NTNG1: variants seen among roughly 807,000 people sequenced by gnomAD.
NTNG1 encodes netrin G1, also known as netrin-G1.
A neutral mutation model predicts 54.0 loss-of-function variants in NTNG1; 16 were observed. The ratio of observed to expected loss-of-function variants is 0.30; its 90% CI spans 0.20 to 0.45. The LOEUF (loss-of-function observed/expected upper bound fraction) is 0.45, where lower values mean the gene tolerates loss of function less well. Among genes scored for constraint, NTNG1 ranks in the 20% least tolerant of loss-of-function variants. The pLI, the probability that NTNG1 is intolerant of heterozygous loss-of-function variation, is 1.00. For synonymous variants in NTNG1, 255 were observed against 263.1 expected (o/e 0.97, Z 0.30); for missense variants, 530 against 678.7 (o/e 0.78, Z 2.43).
chr1:107,152,582 CAT>C (rs781480436), intron 2 of NTNG1, among the ~76,000 whole-genome samples: 1 of 152,190 alleles, frequency 6.6e-6, no homozygotes, highest in South Asian at 2.1e-4. Flanking sequence ...CGGAAGAACT[CAT>C]GTGTGTTTAT....
intron 3 of NTNG1, among the ~76,000 whole-genome samples, chr1:107,325,651 A>C (rs573836762): frequency 6.6e-6 from 1 of 152,136 alleles, no homozygotes; most frequent in East Asian, 1.9e-4. Context: ...AAGATGTTTA[A>C]ATGAAAAACT....
At chr1:107,239,609 G>A (rs1661681286) in intron 2 of NTNG1, among the ~76,000 whole-genome samples, 1 of 152,132 alleles carries the variant, frequency 6.6e-6, no homozygotes. Flanking sequence ...TCCAAACATT[G>A]AGAGCTCACA....
intron 6 of NTNG1, among the ~76,000 whole-genome samples, chr1:107,435,624 C>T (rs926582674): frequency 2.0e-5 from 3 of 152,050 alleles, no homozygotes; most frequent in African/African-American, 7.2e-5. Context: ...ATATGCCAAA[C>T]TTGATTATAT....
At chr1:107,298,230 G>A (rs1666099764) in intron 2 of NTNG1, among the ~76,000 whole-genome samples, 1 of 152,110 alleles carries the variant, frequency 6.6e-6, no homozygotes, top group South Asian at 2.1e-4. Context: ...AGTAGTCAGG[G>A]TAATGACACC....
At chr1:107,312,350 T>G (rs1034274128) in intron 2 of NTNG1, among the ~76,000 whole-genome samples, 2 of 151,766 alleles carry the variant, frequency 1.3e-5, no homozygotes, top group Non-Finnish European at 2.9e-5. Flanking sequence ...GGTGGGGGAG[T>G]AGGTTTAATG....
chr1:107,213,906 T>A (rs1020261276), intron 2 of NTNG1, among the ~76,000 whole-genome samples: 1 of 152,180 alleles, frequency 6.6e-6, no homozygotes, highest in African/African-American at 2.4e-5. Flanking sequence ...CTTTTGCCGT[T>A]ATATTTTATT....
intron 1 of NTNG1, chr1:107,141,448 A>T (rs1193486817): frequency 1.3e-5 from 2 of 149,892 alleles, no homozygotes; most frequent in African/African-American, 4.9e-5. Flanking sequence ...GCAAGGGCAA[A>T]CGAGCCACAC....
intron 3 of NTNG1, among the ~76,000 whole-genome samples, chr1:107,366,675 A>T (rs960450583): frequency 6.6e-6 from 1 of 152,222 alleles, no homozygotes; most frequent in African/African-American, 2.4e-5. Context: ...ACTAGGACAA[A>T]ATGAAATCTT....
intron 3 of NTNG1, among the ~76,000 whole-genome samples, chr1:107,336,226 G>A (rs1668570034): frequency 6.7e-6 from 1 of 150,238 alleles, no homozygotes; most frequent in Admixed American, 6.7e-5. Flanking sequence ...CAAAGTCACA[G>A]TAGTCAAAAC....
intron 2 of NTNG1, among the ~76,000 whole-genome samples, chr1:107,206,552 A>T (rs1356750531): frequency 6.6e-6 from 1 of 152,080 alleles, no homozygotes; most frequent in Non-Finnish European, 1.5e-5. Context: ...TGTTCTTCTC[A>T]TGTGCCTTTC....
intron 2 of NTNG1, among the ~76,000 whole-genome samples, chr1:107,205,627 T>TA (rs1302942525): frequency 2.8e-4 from 43 of 151,446 alleles, no homozygotes; most frequent in East Asian, 9.8e-4. Flanking sequence ...ACTTTTTTTT[T>TA]AAAAAAAACT....
At chr1:107,327,563 G>A (rs1214329020) in intron 3 of NTNG1, among the ~76,000 whole-genome samples, 1 of 152,078 alleles carries the variant, frequency 6.6e-6, no homozygotes, top group African/African-American at 2.4e-5. Flanking sequence ...TCTCATAAAT[G>A]TACACTTTTC....
chr1:107,215,477 T>C (rs1401833166), intron 2 of NTNG1, among the ~76,000 whole-genome samples: 2 of 152,216 alleles, frequency 1.3e-5, no homozygotes, highest in African/African-American at 4.8e-5. Context: ...CTCTATTCTG[T>C]TACATTGGTC....
At chr1:107,321,270 G>T (rs1399945834) in intron 2 of NTNG1, among the ~76,000 whole-genome samples, 1 of 152,100 alleles carries the variant, frequency 6.6e-6, no homozygotes, top group Non-Finnish European at 1.5e-5. Flanking sequence ...GAGCCAAGCT[G>T]AGTGCCTTAA....
chr1:107,199,403 C>T (rs1432957488), intron 2 of NTNG1, among the ~76,000 whole-genome samples: 1 of 151,744 alleles, frequency 6.6e-6, no homozygotes, highest in African/African-American at 2.4e-5. Context: ...CACTGTAGAT[C>T]TATATCTTTG....
rs1678581006 is a variant in NTNG1, at chr1:107,479,989, T to G, written c.1391-622T>G. Among the ~76,000 whole-genome samples the G allele has an allele frequency of 2.0e-5, 3 of 152,050 alleles. No homozygotes were observed. The South Asian group carries it at 6.2e-4, about 32-fold the overall frequency. Reference sequence around the variant, plus strand: ...GGCTGTCAGGGACGAATGTGACTGCTTTTCCTCACACTCCTCCCATGAAAC... The same window carrying G: ...GGCTGTCAGGGACGAATGTGACTGCGTTTCCTCACACTCCTCCCATGAAAC... On this transcript the variant is annotated intron_variant, in intron 7 of 7. Coordinates refer to ENST00000370068, the MANE Select transcript of NTNG1 (RefSeq NM_001113226.3).
chr1:107,216,480 C>T (rs755284519), intron 2 of NTNG1, among the ~76,000 whole-genome samples: 2 of 152,168 alleles, frequency 1.3e-5, no homozygotes, highest in African/African-American at 2.4e-5. Flanking sequence ...ACCATCCTTG[C>T]ATCTCTGGAA....
At chr1:107,163,578 C>T (rs1259474919) in intron 2 of NTNG1, among the ~76,000 whole-genome samples, 1 of 152,134 alleles carries the variant, frequency 6.6e-6, no homozygotes, top group African/African-American at 2.4e-5. Context: ...TTGTGAGGTT[C>T]AGGCTCCAAG....
intron 2 of NTNG1, among the ~76,000 whole-genome samples, chr1:107,244,709 T>A (rs1662073527): frequency 6.6e-6 from 1 of 152,238 alleles, no homozygotes; most frequent in Non-Finnish European, 1.5e-5. Context: ...CTTCTCTGTC[T>A]GTCTGTCTGT....
Sources: gnomAD v4.1 joint callset for allele counts (sites outside exome capture counted in the v4.1 genomes callset) on GRCh38, gnomAD v4.1.1 for gene constraint, MANE v1.5 for transcripts, NCBI Gene and HGNC (gene_info 2026-07-23, HGNC 2026-07-21) for gene names.